Variants in FBLN2 observed in about 807,000 individuals in gnomAD.
FBLN2 encodes fibulin-2.
In FBLN2, 81 loss-of-function variants were observed where a neutral mutation model predicts 123.7. The ratio of observed to expected loss-of-function variants is 0.65; its 90% CI spans 0.55 to 0.79. The LOEUF is 0.79. FBLN2 is among the 30% of genes least tolerant of loss of function. The pLI is 0.00. For synonymous variants in FBLN2, 699 were observed against 701.4 expected (o/e 1.00, Z 0.05); for missense variants, 1,603 against 1,681.3 (o/e 0.95, Z 0.81).
chr3:13,601,240 GT>G (rs1340737384), intron 2 of FBLN2, among the ~76,000 whole-genome samples: 5 of 152,234 alleles, frequency 3.3e-5, no homozygotes, highest in African/African-American at 1.2e-4. Flanking sequence ...CATAATCTCT[GT>G]AAGGCAATCT....
chr3:13,577,589 G>A (rs1021347391), intron 2 of FBLN2, among the ~76,000 whole-genome samples: 70 of 152,212 alleles, frequency 4.6e-4, no homozygotes, highest in African/African-American at 1.6e-3. Context: ...TGGCTAGGAG[G>A]AGTGGCAGAG....
At chr3:13,579,646 G>C (rs552292387) in intron 2 of FBLN2, among the ~76,000 whole-genome samples, 1 of 152,338 alleles carries the variant, frequency 6.6e-6, no homozygotes, top group South Asian at 2.1e-4. Context: ...TTTGATGGCC[G>C]TGGTGCCCCA....
chr3:13,630,413 A>G (rs1706216893), intron 14 of FBLN2, among the ~76,000 whole-genome samples: 1 of 152,230 alleles, frequency 6.6e-6, no homozygotes, highest in Non-Finnish European at 1.5e-5. Flanking sequence ...CCAAGCCAGA[A>G]GGCCATGGGG....
At chr3:13,562,309 T>A (rs1703631644) in intron 1 of FBLN2, among the ~76,000 whole-genome samples, 1 of 152,078 alleles carries the variant, frequency 6.6e-6, no homozygotes, top group South Asian at 2.1e-4. Flanking sequence ...TGCACATTTG[T>A]GATTATTGTC....
At chr3:13,600,702 G>T (rs930924361) in intron 2 of FBLN2, among the ~76,000 whole-genome samples, 11 of 148,372 alleles carry the variant, frequency 7.4e-5, no homozygotes, top group African/African-American at 2.5e-4. Context: ...TGCAACCTCC[G>T]CCTCACGGGT....
chr3:13,616,589 A>G (rs1438857258), intron 5 of FBLN2, among the ~76,000 whole-genome samples: 1 of 152,116 alleles, frequency 6.6e-6, no homozygotes, highest in African/African-American at 2.4e-5. Flanking sequence ...CCTCCATATG[A>G]AACACGTTCC....
At chr3:13,583,364 T>C (rs1704397971) in intron 2 of FBLN2, among the ~76,000 whole-genome samples, 1 of 152,250 alleles carries the variant, frequency 6.6e-6, no homozygotes, top group East Asian at 1.9e-4. Flanking sequence ...GCAGGTTAAG[T>C]GAATTGTCCA....
intron 2 of FBLN2, among the ~76,000 whole-genome samples, chr3:13,585,638 C>A (rs942362137): frequency 2.0e-5 from 3 of 152,136 alleles, no homozygotes; most frequent in Non-Finnish European, 4.4e-5. Context: ...AAAAGCCTAG[C>A]ACATGGGCTG....
chr3:13,570,157 CTG>C (rs149840169), intron 1 of FBLN2, among the ~76,000 whole-genome samples, 156 bp from the exon 2 acceptor site: 5 of 152,048 alleles, frequency 3.3e-5, no homozygotes, highest in South Asian at 2.1e-4. Flanking sequence ...GTGGCGGAGC[CTG>C]TGTGTGTGTG....
chr3:13,596,466 A>G (rs1159968245), intron 2 of FBLN2, among the ~76,000 whole-genome samples: 1 of 152,250 alleles, frequency 6.6e-6, no homozygotes, highest in Non-Finnish European at 1.5e-5. Flanking sequence ...GTTTGTGTTC[A>G]TGGGAGCATC....
chr3:13,627,805 C>G, intron 10 of FBLN2, 27 bp from the exon 11 acceptor site: 4 of 1,603,700 alleles, frequency 2.5e-6, no homozygotes, highest in Non-Finnish European at 3.4e-6. Flanking sequence ...GCCCCCCAGC[C>G]CTTGACACCC....
intron 2 of FBLN2, among the ~76,000 whole-genome samples, chr3:13,589,310 C>T (rs1704599109): frequency 6.6e-6 from 1 of 152,208 alleles, no homozygotes. Flanking sequence ...TCCATGGGTC[C>T]TCTGACTGCG....
intron 1 of FBLN2, among the ~76,000 whole-genome samples, chr3:13,552,596 T>C (rs1703354473): frequency 6.6e-6 from 1 of 152,152 alleles, no homozygotes; most frequent in Non-Finnish European, 1.5e-5. Context: ...ACAGAGGCGC[T>C]GCTCCTGTAT....
At chr3:13,603,703 G>T (rs1412866615) in intron 2 of FBLN2, among the ~76,000 whole-genome samples, 1 of 152,134 alleles carries the variant, frequency 6.6e-6, no homozygotes, top group Non-Finnish European at 1.5e-5. Flanking sequence ...ATATACGTGT[G>T]CATGTGTCTT....
intron 1 of FBLN2, among the ~76,000 whole-genome samples, chr3:13,551,321 C>A (rs1239596793): frequency 6.6e-6 from 1 of 152,184 alleles, no homozygotes; most frequent in Non-Finnish European, 1.5e-5. Context: ...TGGTGGCAGA[C>A]ACTTCCTGCT....
At chr3:13,622,573 C>T (rs1705890784) in intron 9 of FBLN2, among the ~76,000 whole-genome samples, 1 of 152,212 alleles carries the variant, frequency 6.6e-6, no homozygotes. Context: ...CCTTTCCTCC[C>T]CTCTGACCGT....
intron 16 of FBLN2, among the ~76,000 whole-genome samples, chr3:13,635,458 A>G (rs1242610363): frequency 2.0e-5 from 3 of 152,174 alleles, no homozygotes; most frequent in Non-Finnish European, 2.9e-5. Flanking sequence ...GTATCTATTC[A>G]TATGTCTGTT....
intron 9 of FBLN2, among the ~76,000 whole-genome samples, chr3:13,622,723 C>T (rs1028118674): frequency 3.9e-5 from 6 of 152,216 alleles, no homozygotes; most frequent in Non-Finnish European, 7.3e-5. Flanking sequence ...GTGCTCTGTG[C>T]GTACATGTCT....
intron 1 of FBLN2, among the ~76,000 whole-genome samples, chr3:13,559,825 T>C (rs1054215970): frequency 6.6e-6 from 1 of 152,204 alleles, no homozygotes; most frequent in Non-Finnish European, 1.5e-5. Flanking sequence ...GAGCAGTCCC[T>C]GGAGGCAGGA....
Sources: gnomAD v4.1 joint callset for allele counts (sites outside exome capture counted in the v4.1 genomes callset) on GRCh38, gnomAD v4.1.1 for gene constraint, MANE v1.5 for transcripts, NCBI Gene and HGNC (gene_info 2026-07-23, HGNC 2026-07-21) for gene names.